The following C2orf92 variants were observed in gnomAD, a reference collection of about 807,000 sequenced individuals.
C2orf92 encodes uncharacterized protein C2orf92.
chr2:97,675,066 A>G (rs1675532481), intron 2 of C2orf92, among the ~76,000 whole-genome samples: 1 of 152,230 alleles, frequency 6.6e-6, no homozygotes, highest in African/African-American at 2.4e-5. Flanking sequence ...TTTCTCTTCC[A>G]GCACTGATGC....
At chr2:97,683,075 TCC>T (rs1675830984) in intron 3 of C2orf92, among the ~76,000 whole-genome samples, 1 of 63,554 alleles carries the variant, frequency 1.6e-5, no homozygotes, top group African/African-American at 7.1e-5. Context: ...CCATATAGAC[TCC>T]ACACACACAC....
At chr2:97,700,529 C>A (rs1470041702) in intron 6 of C2orf92, among the ~76,000 whole-genome samples, 2 of 152,140 alleles carry the variant, frequency 1.3e-5, no homozygotes, top group Non-Finnish European at 2.9e-5. Flanking sequence ...TCTTTACCTC[C>A]TACAAATTGT....
At chr2:97,691,227 G>A (rs1200448313) in intron 5 of C2orf92, 1 of 152,286 alleles carries the variant, frequency 6.6e-6, no homozygotes, top group African/African-American at 2.4e-5. Context: ...ACAGCATGGA[G>A]GAGCAGATCA....
chr2:97,701,490 C>T (rs1205129899), intron 7 of C2orf92, among the ~76,000 whole-genome samples, 186 bp downstream of exon 7: 1 of 152,196 alleles, frequency 6.6e-6, no homozygotes, highest in Non-Finnish European at 1.5e-5. Context: ...TTCGGCACAG[C>T]CTGGGTGATT....
chr2:97,700,787 G>A (rs143159866), intron 6 of C2orf92, among the ~76,000 whole-genome samples: 6,813 of 151,220 alleles, frequency 0.045, 486 homozygotes, highest in African/African-American at 0.15. Context: ...GCAGTGGTGC[G>A]ATCTCAGCTC....
At chr2:97,700,336 C>T (rs989016157) in intron 6 of C2orf92, among the ~76,000 whole-genome samples, 1 of 152,140 alleles carries the variant, frequency 6.6e-6, no homozygotes, top group African/African-American at 2.4e-5. Flanking sequence ...ATTGTGTATG[C>T]AGTACAACTT....
upstream of C2orf92, among the ~76,000 whole-genome samples, chr2:97,666,564 T>C (rs1049968021): frequency 7.0e-6 from 1 of 143,650 alleles, no homozygotes; most frequent in Admixed American, 7.0e-5. Flanking sequence ...GGGGTTGAGA[T>C]GGGCACGGTA....
In C2orf92 at chr2:97,702,691, TATA is replaced by T; in HGVS notation, c.692_694del (p.Asn231del). 2.5e-6 allele frequency: 1 copy of T among 398,906 alleles called. No homozygotes were observed. The highest frequency in any genetic ancestry group is 4.4e-6 in the Non-Finnish European group (1 of 226,024). The allele number at this position is 398,906 out of a possible 1,614,324, so 24.7% of individuals were successfully genotyped here. A position where few individuals can be genotyped will look rare whatever the true frequency, so the allele number is the denominator to read the frequency against. ...TAGATCTCCTCTGGCAAACACGACA[TATA>T]ATATTTTTATAATGGATGGAAAGAC... On this transcript the variant is annotated inframe_deletion, in exon 8 of 8. Coordinates refer to ENST00000627399, the MANE Select transcript of C2orf92 (RefSeq NM_001351368.2).
At chr2:97,684,504 G>T (rs1211436631) in intron 3 of C2orf92, among the ~76,000 whole-genome samples, 1 of 152,168 alleles carries the variant, frequency 6.6e-6, no homozygotes, top group African/African-American at 2.4e-5. Context: ...AAATTAATGA[G>T]CTTAAACTAT....
chr2:97,690,537 C>T (rs778179341), intron 5 of C2orf92, among the ~76,000 whole-genome samples: 15 of 152,092 alleles, frequency 9.9e-5, no homozygotes, highest in Non-Finnish European at 1.6e-4. Context: ...CCCGCTACCA[C>T]GCCTGGCTAA....
At chr2:97,695,876 TG>T (rs1234803509) in intron 5 of C2orf92, among the ~76,000 whole-genome samples, 4 of 152,162 alleles carry the variant, frequency 2.6e-5, no homozygotes, top group Non-Finnish European at 5.9e-5. Context: ...CTCAGCCTCC[TG>T]AGTAGCTGGG....
At chr2:97,671,740 C>T (rs1013483135) in intron 1 of C2orf92, 10 of 355,994 alleles carry the variant, frequency 2.8e-5, no homozygotes, top group African/African-American at 2.1e-4. Flanking sequence ...GGGACTGCGG[C>T]GTCAGATGCC....
chr2:97,685,055 G>A (rs1264386617), intron 3 of C2orf92, among the ~76,000 whole-genome samples: 19 of 150,608 alleles, frequency 1.3e-4, no homozygotes, highest in African/African-American at 4.6e-4. Flanking sequence ...TCAGCCTCCC[G>A]AGTAGCTGGG....
chr2:97,683,202 G>A lies in C2orf92; in HGVS notation c.233-5693G>A, dbSNP rs191582275. ...ATCAGCTGTGTTTTTATACACTAACGATATATACACTAATAATCCAAACAA... is the reference window on the plus strand; with the variant it reads ...ATCAGCTGTGTTTTTATACACTAACAATATATACACTAATAATCCAAACAA... On this transcript the variant is annotated intron_variant, in intron 3 of 7. Transcript: ENST00000627399. Among the ~76,000 whole-genome samples the A allele has an allele frequency of 3.3e-4, 50 of 151,184 alleles. No individual in the cohort carries two copies. The Middle Eastern group carries it at 0.01, about 31-fold the overall frequency.
At chr2:97,674,142 T>A in intron 1 of C2orf92, 1 of 215,266 alleles carries the variant, frequency 4.6e-6, no homozygotes, top group Non-Finnish European at 9.1e-6. Context: ...TCTGATATCA[T>A]TGGGGGCCTC....
chr2:97,681,076 C>T (rs1675755540), intron 3 of C2orf92, among the ~76,000 whole-genome samples: 1 of 124,632 alleles, frequency 8.0e-6, no homozygotes, highest in African/African-American at 3.2e-5. Flanking sequence ...CACTGCACTC[C>T]AGCACAGGAG....
At chr2:97,681,088 C>G (rs1234337205) in intron 3 of C2orf92, among the ~76,000 whole-genome samples, 1 of 110,860 alleles carries the variant, frequency 9.0e-6, no homozygotes, top group Non-Finnish European at 1.6e-5. Flanking sequence ...GCACAGGAGA[C>G]AGAGCGAGAC....
At chr2:97,690,124 G>C (rs1205175620) in intron 4 of C2orf92, 132 bp from the exon 5 acceptor site, 1 of 353,760 alleles carries the variant, frequency 2.8e-6, no homozygotes, top group Non-Finnish European at 5.0e-6. Flanking sequence ...GCGAGACTCT[G>C]TCTCAAAAGA....
At chr2:97,700,832 C>T (rs556844170) in intron 6 of C2orf92, among the ~76,000 whole-genome samples, 43 of 152,176 alleles carry the variant, frequency 2.8e-4, no homozygotes, top group Admixed American at 8.5e-4. Flanking sequence ...CGGGTTCACG[C>T]CATTCTCCTG....
Sources: gnomAD v4.1 joint callset for allele counts (sites outside exome capture counted in the v4.1 genomes callset) on GRCh38, gnomAD v4.1.1 for gene constraint, MANE v1.5 for transcripts, NCBI Gene and HGNC (gene_info 2026-07-23, HGNC 2026-07-21) for gene names.